NME7: variants seen among roughly 807,000 people sequenced by gnomAD.
NME7 encodes the protein nucleoside diphosphate kinase 7.
NME7 carries 41 observed loss-of-function variants against 49.1 expected under a neutral mutation model. That is an observed-to-expected ratio of 0.83 (90% confidence interval 0.65 to 1.08). The LOEUF (loss-of-function observed/expected upper bound fraction) is 1.08. Among genes scored for constraint, NME7 ranks in the 50% least tolerant of loss-of-function variants. The pLI is 0.00. For synonymous variants in NME7, 139 were observed against 150.6 expected (o/e 0.92, Z 0.56); for missense variants, 423 against 463.4 (o/e 0.91, Z 0.80).
intron 3 of NME7, among the ~76,000 whole-genome samples, chr1:169,314,775 A>G (rs1226835370): frequency 6.6e-6 from 1 of 152,118 alleles, no homozygotes. Flanking sequence ...AAAAGATATA[A>G]AAAACAAACA....
At chr1:169,199,455 TA>T (rs1486601678) in intron 10 of NME7, among the ~76,000 whole-genome samples, 1 of 88,746 alleles carries the variant, frequency 1.1e-5, no homozygotes, top group Admixed American at 1.5e-4. Flanking sequence ...TCTTTTTTAT[TA>T]TTATTATTAT....
chr1:169,348,491 T>C (rs182620529), intron 1 of NME7, among the ~76,000 whole-genome samples: 1 of 152,290 alleles, frequency 6.6e-6, no homozygotes, highest in East Asian at 1.9e-4. Context: ...AGAAATAATC[T>C]GTGATACTGT....
intron 10 of NME7, among the ~76,000 whole-genome samples, chr1:169,181,720 A>C (rs1181202384): frequency 6.6e-6 from 1 of 152,102 alleles, no homozygotes; most frequent in Non-Finnish European, 1.5e-5. Context: ...TTGCCTCACA[A>C]CACTATCTAA....
At chr1:169,221,163 C>T (rs10919100) in intron 10 of NME7, among the ~76,000 whole-genome samples, 7,256 of 152,194 alleles carry the variant, frequency 0.048, 229 homozygotes, top group East Asian at 0.12. Flanking sequence ...AAATAACACC[C>T]GACTATTTCT....
chr1:169,141,593 G>A (rs1658596542), intron 11 of NME7, among the ~76,000 whole-genome samples: 1 of 152,128 alleles, frequency 6.6e-6, no homozygotes, highest in Admixed American at 6.5e-5. Flanking sequence ...TTAAACCCAA[G>A]GAATTACAGT....
At chr1:169,347,915 T>A (rs896714073) in intron 1 of NME7, among the ~76,000 whole-genome samples, 1 of 152,208 alleles carries the variant, frequency 6.6e-6, no homozygotes, top group Non-Finnish European at 1.5e-5. Flanking sequence ...GTTCCATTTT[T>A]TCCTGTATGT....
At chr1:169,224,591 A>C (rs925271422) in intron 10 of NME7, among the ~76,000 whole-genome samples, 1 of 152,204 alleles carries the variant, frequency 6.6e-6, no homozygotes, top group Non-Finnish European at 1.5e-5. Context: ...TCATACTACA[A>C]TATGAGTGGT....
At chr1:169,214,058 A>G (rs1477598034) in intron 10 of NME7, among the ~76,000 whole-genome samples, 2 of 152,194 alleles carry the variant, frequency 1.3e-5, no homozygotes, top group Non-Finnish European at 2.9e-5. Context: ...CTGATCTTGG[A>G]ATTTCAAAAG....
chr1:169,288,791 CT>C (rs1012940885), intron 6 of NME7, among the ~76,000 whole-genome samples: 8 of 152,096 alleles, frequency 5.3e-5, no homozygotes, highest in African/African-American at 1.9e-4. Flanking sequence ...GCAACTACCC[CT>C]TTTAGTCCTA....
Position 169,257,436 on chromosome 1 carries a change from G to A in NME7, c.755-19749C>T, listed in dbSNP as rs948005072. ...CCCTGCTTCGGCTTGCGAACGGTAC[G>A]CGCACCCACTGACCTGCGCCCACTG... On this transcript the variant is annotated intron_variant, in intron 7 of 11. Transcript: ENST00000367811. Among the ~76,000 whole-genome samples, 6 of 133,602 alleles carry A rather than the reference G, an allele frequency of 4.5e-5. 1 individual carries two copies. The highest frequency in any genetic ancestry group is 1.1e-4 in the Non-Finnish European group (6 of 56,780). 87.6% of individuals were successfully genotyped at this position (133,602 alleles called of 152,430 possible).
In NME7 at chr1:169,355,367, T is replaced by TACACAC. The variant is rs36138444; in HGVS notation, c.3+12335_3+12340dup. On this transcript the variant is annotated intron_variant, in intron 1 of 11. Transcript: ENST00000367811. ...TATTATATATATTAAATATATATTA[T>TACACAC]ACACACACACACACACACACACACA... Among the ~76,000 whole-genome samples, 394 of 71,210 alleles carry TACACAC rather than the reference T, an allele frequency of 5.5e-3. 10 individuals carry two copies. The highest frequency in any genetic ancestry group is 0.012 in the African/African-American group (268 of 22,348). The allele number at this position is 71,210 out of a possible 152,430, so 46.7% of individuals were successfully genotyped here.
intron 7 of NME7, among the ~76,000 whole-genome samples, chr1:169,243,922 T>C (rs992057868): frequency 6.6e-6 from 1 of 152,186 alleles, no homozygotes; most frequent in Admixed American, 6.5e-5. Flanking sequence ...TAGTAAGTGA[T>C]AGAACTGAAT....
In NME7 at chr1:169,298,651, G is replaced by A. The variant is rs767913261; in HGVS notation, c.553C>T (p.Arg185Cys). ...CTAATGCTTTCAGAAGCATCTGTGCGTGCCACTCCAGAGTTTGCAGGTCCC... is the reference window on the plus strand; with the variant it reads ...CTAATGCTTTCAGAAGCATCTGTGCATGCCACTCCAGAGTTTGCAGGTCCC... ...LLGPANSGVA[R>C]TDASESIRAL... is the part of the protein sequence containing the mutation. The change falls in exon 6 of 12, where the codon CGC becomes TGC. Residue 185 changes from arginine to cysteine, a missense_variant. By Grantham distance (180) the Arg-to-Cys change is radical (BLOSUM62 -3). Coordinates refer to ENST00000367811, the MANE Select transcript of NME7 (RefSeq NM_013330.5). 113 of 1,613,930 alleles carry A rather than the reference G, an allele frequency of 7.0e-5. No homozygotes were observed. Among genetic ancestry groups the A allele is most frequent in the Admixed American group, 2.5e-4 (15 of 59,968 alleles).
At chr1:169,305,570 C>T (rs1651142342) in intron 4 of NME7, among the ~76,000 whole-genome samples, 1 of 152,120 alleles carries the variant, frequency 6.6e-6, no homozygotes, top group Admixed American at 6.6e-5. Flanking sequence ...TGATCTTCAT[C>T]GGTGTCGTTT....
chr1:169,249,524 TAGA>T (rs1648471698), intron 7 of NME7, among the ~76,000 whole-genome samples: 1 of 152,150 alleles, frequency 6.6e-6, no homozygotes, highest in Admixed American at 6.6e-5. Context: ...CTATGCTGAA[TAGA>T]AGTGGTGAAA....
intron 1 of NME7, among the ~76,000 whole-genome samples, chr1:169,335,181 C>A (rs904319067): frequency 6.6e-6 from 1 of 152,122 alleles, no homozygotes; most frequent in Admixed American, 6.5e-5. Flanking sequence ...CCAGAAATAC[C>A]ATTTGACCCA....
At chr1:169,201,844 T>G (rs886614610) in intron 10 of NME7, among the ~76,000 whole-genome samples, 3 of 152,072 alleles carry the variant, frequency 2.0e-5, no homozygotes, top group African/African-American at 7.2e-5. Flanking sequence ...AGCCTACTGG[T>G]GGTGGTTAAG....
chr1:169,280,320 A>C (rs1649953451), intron 7 of NME7, among the ~76,000 whole-genome samples: 1 of 151,780 alleles, frequency 6.6e-6, no homozygotes, highest in Non-Finnish European at 1.5e-5. Flanking sequence ...TTTTTCTTGT[A>C]AGTTTGTTTA....
At chr1:169,192,486 A>T (rs1053928368) in intron 10 of NME7, among the ~76,000 whole-genome samples, 1 of 152,168 alleles carries the variant, frequency 6.6e-6, no homozygotes, top group Non-Finnish European at 1.5e-5. Flanking sequence ...ATGTGCATAG[A>T]TCATATGCAA....
Sources: gnomAD v4.1 joint callset for allele counts (sites outside exome capture counted in the v4.1 genomes callset) on GRCh38, gnomAD v4.1.1 for gene constraint, MANE v1.5 for transcripts, NCBI Gene and HGNC (gene_info 2026-07-23, HGNC 2026-07-21) for gene names.